Variants in SLX4IP observed in about 807,000 individuals in gnomAD.
SLX4IP encodes SLX4 interacting protein, also known as protein SLX4IP.
Under a neutral mutation model 32.9 loss-of-function variants are expected in SLX4IP, and 34 were observed. That is an observed-to-expected ratio of 1.03 (90% CI 0.79 to 1.38). The LOEUF is 1.38. Ranked by LOEUF, SLX4IP falls within the 40% of genes most tolerant of loss-of-function variation. SLX4IP has a pLI of 0.00. For synonymous variants in SLX4IP, 172 were observed against 171.7 expected (o/e 1.00, Z -0.01); for missense variants, 444 against 479.0 (o/e 0.93, Z 0.68).
At chr20:10,572,041 T>A (rs1023797251) in intron 4 of SLX4IP, among the ~76,000 whole-genome samples, 5 of 152,142 alleles carry the variant, frequency 3.3e-5, no homozygotes, top group Non-Finnish European at 7.3e-5. Context: ...TTACCGAGCG[T>A]CCACCCCTCG....
chr20:10,439,606 C>A (rs13037906), intron 1 of SLX4IP, among the ~76,000 whole-genome samples: 57,118 of 152,144 alleles, frequency 0.38, 12,302 homozygotes, highest in Non-Finnish European at 0.49. Context: ...TGTATTAAAA[C>A]TTCACCTTTG....
At chr20:10,555,020 A>T (rs2066253234) in intron 2 of SLX4IP, among the ~76,000 whole-genome samples, 1 of 152,076 alleles carries the variant, frequency 6.6e-6, no homozygotes, top group South Asian at 2.1e-4. Context: ...ATCTTTTCCT[A>T]TTCCAAAGAT....
rs1244523427 is a variant in SLX4IP at position 10,627,791 on chromosome 20, G to C, written c.*4412G>C. On this transcript the variant is annotated 3_prime_UTR_variant, in exon 8 of 8. Coordinates refer to ENST00000334534, the MANE Select transcript of SLX4IP (RefSeq NM_001009608.3). ...ATAAAACCTTATGTTTGACCCTAAA[G>C]TATTTGATCAGGGAACAGAAGGTGT... 3 of 152,184 alleles carry C rather than the reference G, an allele frequency of 2.0e-5. No homozygotes were observed. Among genetic ancestry groups the C allele is most frequent in the African/African-American group, 4.8e-5 (2 of 41,462 alleles). The allele number at this position is 152,184 out of a possible 1,614,324, so 9.4% of individuals were successfully genotyped here. A position where few individuals can be genotyped will look rare whatever the true frequency, so the allele number is the denominator to read the frequency against.
Position 10,560,779 on chromosome 20 carries a change from C to G in SLX4IP, c.197C>G (p.Ser66Ter). Residue 66 changes from serine to a stop codon, truncating the protein, a stop_gained, in exon 4 of 8, where the codon TCA becomes TGA. Transcript: ENST00000334534. LOFTEE classifies it high-confidence loss of function. ...GAAGTTCGCAAACAGCACAGGCCAT[C>G]AAATGCAGAATTCACAAGATCCAAT... is the stretch of plus-strand genomic sequence containing the variant. Reference protein sequence around the residue: ...YLEVRKQHRPSNAEFTRSNPL... With the variant: ...YLEVRKQHRP The G allele has an allele frequency of 2.5e-6, 4 of 1,607,950 alleles. No individual in the cohort carries two copies. Among genetic ancestry groups the G allele is most frequent in the Non-Finnish European group, 3.4e-6 (4 of 1,177,212 alleles).
chr20:10,561,620 C>A (rs1396402746), intron 4 of SLX4IP, among the ~76,000 whole-genome samples: 1 of 150,716 alleles, frequency 6.6e-6, no homozygotes, highest in Non-Finnish European at 1.5e-5. Context: ...ATCACCCAAG[C>A]AGTATACACT....
intron 6 of SLX4IP, among the ~76,000 whole-genome samples, chr20:10,616,465 C>G (rs2067032759): frequency 1.3e-5 from 2 of 152,066 alleles, no homozygotes; most frequent in African/African-American, 4.8e-5. Flanking sequence ...TAGGAAGCTT[C>G]CATGGGTATA....
intron 2 of SLX4IP, among the ~76,000 whole-genome samples, chr20:10,525,175 A>C (rs145023147): frequency 6.6e-6 from 1 of 152,034 alleles, no homozygotes; most frequent in African/African-American, 2.4e-5. Flanking sequence ...TATTTTCATC[A>C]TTTTTATGTG....
chr20:10,571,789 T>C (rs1487635848), intron 4 of SLX4IP, among the ~76,000 whole-genome samples: 1 of 152,214 alleles, frequency 6.6e-6, no homozygotes, highest in Non-Finnish European at 1.5e-5. Context: ...GCTGAGACTT[T>C]ACAGCATGTT....
intron 4 of SLX4IP, among the ~76,000 whole-genome samples, chr20:10,573,263 T>C (rs2066487137): frequency 6.6e-6 from 1 of 152,220 alleles, no homozygotes; most frequent in Admixed American, 6.5e-5. Flanking sequence ...AGCCCAGCCC[T>C]TCCTCCATAC....
At chr20:10,472,984 A>G (rs1005259590) in intron 2 of SLX4IP, among the ~76,000 whole-genome samples, 1 of 152,194 alleles carries the variant, frequency 6.6e-6, no homozygotes, top group African/African-American at 2.4e-5. Context: ...AAGTTTGTTT[A>G]TCTGTTTTGT....
At chr20:10,483,793 C>A (rs2122385163) in intron 2 of SLX4IP, among the ~76,000 whole-genome samples, 1 of 111,394 alleles carries the variant, frequency 9.0e-6, no homozygotes, top group Admixed American at 1.3e-4. Flanking sequence ...CCTCCCCCCA[C>A]CCTTCTCTTC....
At chr20:10,536,019 G>C (rs527706746) in intron 2 of SLX4IP, among the ~76,000 whole-genome samples, 8 of 152,286 alleles carry the variant, frequency 5.3e-5, no homozygotes, top group Admixed American at 4.6e-4. Flanking sequence ...ATGAGCGCCG[G>C]AGACTCCACC....
chr20:10,511,063 G>C (rs749536057), intron 2 of SLX4IP, among the ~76,000 whole-genome samples: 2 of 152,188 alleles, frequency 1.3e-5, no homozygotes, highest in African/African-American at 4.8e-5. Flanking sequence ...CTTTGGTGCC[G>C]TGTTCTTGTC....
chr20:10,551,927 G>T lies in SLX4IP; in HGVS notation c.28-4304G>T, dbSNP rs2066222078. 2.0e-5 allele frequency among the ~76,000 whole-genome samples: 3 copies of T among 152,330 alleles called. No homozygotes were observed. In the South Asian group the frequency reaches 6.2e-4, roughly 32 times the overall value. ...GAGATTTCCCAGATATGCATTGAGGGTTCATCCAGGACACCAACAGAAGTG... is the reference window on the plus strand; with the variant it reads ...GAGATTTCCCAGATATGCATTGAGGTTTCATCCAGGACACCAACAGAAGTG... On this transcript the variant is annotated intron_variant, in intron 2 of 7. Transcript: ENST00000334534.
chr20:10,565,470 C>A (rs575308253), intron 4 of SLX4IP, among the ~76,000 whole-genome samples: 5 of 152,282 alleles, frequency 3.3e-5, no homozygotes, highest in Non-Finnish European at 7.3e-5. Flanking sequence ...CTCTGCCCCA[C>A]CCTGCAGAGA....
chr20:10,604,378 C>T (rs140522795), intron 6 of SLX4IP, among the ~76,000 whole-genome samples: 94 of 151,710 alleles, frequency 6.2e-4, no homozygotes, highest in Middle Eastern at 3.4e-3. Context: ...GCCTTGAGAG[C>T]ACACATTCCC....
chr20:10,556,437 T>C, intron 3 of SLX4IP, 117 bp downstream of exon 3: 7 of 1,021,702 alleles, frequency 6.9e-6, no homozygotes, highest in Non-Finnish European at 1.0e-5. Context: ...ATTTAATCCT[T>C]GAAAAACAAT....
chr20:10,617,762 C>T (rs1234974514), intron 6 of SLX4IP, among the ~76,000 whole-genome samples: 1 of 151,152 alleles, frequency 6.6e-6, no homozygotes, highest in African/African-American at 2.4e-5. Flanking sequence ...GATCCTCCCA[C>T]CTCAGCCTGC....
At chr20:10,521,216 C>T (rs1253319648) in intron 2 of SLX4IP, among the ~76,000 whole-genome samples, 1 of 152,170 alleles carries the variant, frequency 6.6e-6, no homozygotes, top group Non-Finnish European at 1.5e-5. Context: ...AAAGTGCCTG[C>T]CAGTCCACTT....
Sources: allele counts gnomAD v4.1 joint callset (sites outside exome capture counted in the v4.1 genomes callset), GRCh38; gene constraint gnomAD v4.1.1; transcripts MANE v1.5; gene names NCBI Gene and HGNC (gene_info 2026-07-23, HGNC 2026-07-21).